B4GALT1: variants seen among roughly 807,000 people sequenced by gnomAD.
The protein encoded by B4GALT1 is beta-1,4-galactosyltransferase 1.
A neutral mutation model predicts 34.9 loss-of-function variants in B4GALT1; 16 were observed. That is an observed-to-expected ratio of 0.46 (90% CI 0.31 to 0.70). The LOEUF is 0.70. B4GALT1 is among the 30% of genes least tolerant of loss of function. The pLI, the probability that B4GALT1 is intolerant of heterozygous loss-of-function variation, is 0.05. For synonymous variants in B4GALT1, 221 were observed against 218.1 expected (o/e 1.01, Z -0.12); for missense variants, 445 against 530.5 (o/e 0.84, Z 1.58).
intron 1 of B4GALT1, among the ~76,000 whole-genome samples, chr9:33,151,231 CAG>C: frequency 6.6e-6 from 1 of 152,334 alleles, no homozygotes; most frequent in East Asian, 1.9e-4. Flanking sequence ...TGAATTCAGC[CAG>C]AGATTTCTAA....
rs997711225 is a variant in B4GALT1 at position 33,140,767 on chromosome 9, A to C, written c.413-5343T>G. Among the ~76,000 whole-genome samples, 6 of 152,232 alleles carry C rather than the reference A, an allele frequency of 3.9e-5. No individual in the cohort carries two copies. In the South Asian group the frequency reaches 1.2e-3, roughly 32 times the overall value. ...TGGATGGGCCGCTTCTCTCTGTACC[A>C]ATCTTCCAAAGGCCAGGTGCGCACC... On this transcript the variant is annotated intron_variant, in intron 1 of 5. Transcript: ENST00000379731.
intron 1 of B4GALT1, among the ~76,000 whole-genome samples, chr9:33,144,854 C>G (rs933402424): frequency 2.0e-5 from 3 of 152,216 alleles, no homozygotes; most frequent in African/African-American, 7.2e-5. Flanking sequence ...GGGACAGTTC[C>G]TGGCAGCAAG....
chr9:33,125,445 T>C (rs549697144), intron 2 of B4GALT1, among the ~76,000 whole-genome samples: 3 of 152,168 alleles, frequency 2.0e-5, no homozygotes, highest in Non-Finnish European at 4.4e-5. Context: ...AAACCATGGT[T>C]TATATGTCAA....
chr9:33,158,646 C>A (rs950913035), intron 1 of B4GALT1, among the ~76,000 whole-genome samples: 8 of 152,172 alleles, frequency 5.3e-5, no homozygotes, highest in African/African-American at 1.7e-4. Context: ...TACTGAGAGA[C>A]AGAGATGCTA....
intron 3 of B4GALT1, among the ~76,000 whole-genome samples, chr9:33,119,579 G>A (rs1477769902): frequency 6.6e-6 from 1 of 152,206 alleles, no homozygotes; most frequent in Admixed American, 6.5e-5. Flanking sequence ...AGCTGGACAT[G>A]CTGGCTCATG....
rs750049213 is a variant in B4GALT1 at position 33,120,478 on chromosome 9, C to T, written c.777G>A (p.Ala259=). ...GCCGTGGCTGTGAAAAACACCTGTACGCATTATGGTCATTCATTGGAATGA... is the reference window on the plus strand; with the variant it reads ...GCCGTGGCTGTGAAAAACACCTGTATGCATTATGGTCATTCATTGGAATGA... ...VDLIPMNDHN[A]YRCFSQPRHI... Residue 259 remains alanine, a synonymous_variant, in exon 3 of 6, where the codon GCG becomes GCA. Coordinates refer to ENST00000379731, the MANE Select transcript of B4GALT1 (RefSeq NM_001497.4). The T allele has an allele frequency of 1.3e-5, 21 of 1,613,996 alleles. No individual in the cohort carries two copies. The highest frequency in any genetic ancestry group is 3.3e-5 in the Admixed American group (2 of 60,000).
At chr9:33,147,338 C>G (rs1053207305) in intron 1 of B4GALT1, among the ~76,000 whole-genome samples, 6 of 151,600 alleles carry the variant, frequency 4.0e-5, no homozygotes, top group Non-Finnish European at 5.9e-5. Flanking sequence ...CAACCTCCCC[C>G]TCAGGTTCAA....
intron 1 of B4GALT1, among the ~76,000 whole-genome samples, chr9:33,143,036 C>G (rs1391047898): frequency 6.6e-6 from 1 of 152,100 alleles, no homozygotes; most frequent in African/African-American, 2.4e-5. Context: ...TCCCAGCTAC[C>G]TGGGAGGCTG....
intron 1 of B4GALT1, among the ~76,000 whole-genome samples, chr9:33,153,017 G>A (rs980959623): frequency 1.3e-5 from 2 of 152,124 alleles, no homozygotes; most frequent in Non-Finnish European, 2.9e-5. Context: ...TGGGCAACAT[G>A]GCAAAGACTC....
At chr9:33,153,634 A>C (rs538750366) in intron 1 of B4GALT1, among the ~76,000 whole-genome samples, 1 of 152,348 alleles carries the variant, frequency 6.6e-6, no homozygotes, top group African/African-American at 2.4e-5. Flanking sequence ...ACTCCTTGGA[A>C]GACACAAACT....
upstream of B4GALT1, among the ~76,000 whole-genome samples, chr9:33,169,405 G>A (rs1357991595): frequency 1.3e-5 from 2 of 151,934 alleles, no homozygotes; most frequent in Non-Finnish European, 2.9e-5. Flanking sequence ...TGAAACACTT[G>A]TCCCCAATAT....
At chr9:33,125,836 C>T (rs1380067966) in intron 2 of B4GALT1, among the ~76,000 whole-genome samples, 1 of 152,168 alleles carries the variant, frequency 6.6e-6, no homozygotes, top group African/African-American at 2.4e-5. Flanking sequence ...CTGTTCTGTC[C>T]AATCACCCTG....
intron 3 of B4GALT1, among the ~76,000 whole-genome samples, chr9:33,117,536 C>G (rs940426725): frequency 3.3e-5 from 5 of 152,146 alleles, no homozygotes; most frequent in African/African-American, 4.8e-5. Flanking sequence ...CAGCTCCAAA[C>G]CACACCCAGC....
At chr9:33,141,650 G>A (rs1840351988) in intron 1 of B4GALT1, among the ~76,000 whole-genome samples, 1 of 152,228 alleles carries the variant, frequency 6.6e-6, no homozygotes, top group Non-Finnish European at 1.5e-5. Context: ...GGGACAGGAA[G>A]AGAGTCAAGG....
chr9:33,108,892 TTGTTC>T (rs1839824362), downstream of B4GALT1: 1 of 34,954 alleles, frequency 2.9e-5, no homozygotes, highest in Non-Finnish European at 1.2e-4. Flanking sequence ...GGAGAATTTT[TTGTTC>T]TAATATTTAT....
intron 2 of B4GALT1, among the ~76,000 whole-genome samples, chr9:33,121,515 A>C (rs890291316): frequency 6.4e-5 from 9 of 141,420 alleles, no homozygotes; most frequent in African/African-American, 1.3e-4. Context: ...GGCATGTGCC[A>C]CCATGCCCGG....
upstream of B4GALT1, among the ~76,000 whole-genome samples, chr9:33,169,465 C>T (rs1587757757): frequency 6.6e-6 from 1 of 151,960 alleles, no homozygotes; most frequent in East Asian, 1.9e-4. Flanking sequence ...GAGACCTTTT[C>T]AGACTACCTT....
downstream of B4GALT1, among the ~76,000 whole-genome samples, chr9:33,106,173 T>C (rs1270908698): frequency 6.6e-6 from 1 of 152,222 alleles, no homozygotes; most frequent in African/African-American, 2.4e-5. Context: ...TGCCAACACT[T>C]ATTTTGTGTT....
At chr9:33,184,253 TACAC>T in the B4GALT1 span, among the ~76,000 whole-genome samples, 952 of 146,860 alleles carry the variant, frequency 6.5e-3, 3 homozygotes, top group Admixed American at 7.9e-3. Context: ...GTCACTCTTG[TACAC>T]ACACACACAC....
Sources: gnomAD v4.1 joint callset for allele counts (sites outside exome capture counted in the v4.1 genomes callset) on GRCh38, gnomAD v4.1.1 for gene constraint, MANE v1.5 for transcripts, NCBI Gene and HGNC (gene_info 2026-07-23, HGNC 2026-07-21) for gene names.